Variants in TARBP1 observed in about 807,000 individuals in gnomAD.
TARBP1 encodes tRNA guanosine 2 -O-methyltransferase TARBP1.
TARBP1 carries 144 observed loss-of-function variants against 178.6 expected under a neutral mutation model. That is an observed-to-expected ratio of 0.81 (90% confidence interval 0.70 to 0.93). The LOEUF (loss-of-function observed/expected upper bound fraction) is 0.93. TARBP1 is among the 40% of genes least tolerant of loss of function. TARBP1 has a pLI of 0.00. For missense variants in TARBP1, 2,067 were observed against 2,011.7 expected (o/e 1.03, Z -0.53); for synonymous variants, 787 against 781.0 (o/e 1.01, Z -0.13).
intron 3 of TARBP1, among the ~76,000 whole-genome samples, chr1:234,469,666 A>G (rs1044154162): frequency 9.9e-5 from 15 of 152,272 alleles, no homozygotes; most frequent in African/African-American, 3.6e-4. Flanking sequence ...GTGTAAACAC[A>G]ATAATGTGGC....
chr1:234,398,506 T>C lies in TARBP1; in HGVS notation c.4119A>G (p.Glu1373=), dbSNP rs1320328735. 6.2e-7 allele frequency: 1 copy of C among 1,609,676 alleles called. No homozygotes were observed. The highest frequency in any genetic ancestry group is 8.5e-7 in the Non-Finnish European group (1 of 1,177,180). ...TGGTAAATTTATCAATGGTGATCCA[T>C]TCATCTTCAATAAGGCCTGAAAGGC... The part of the protein sequence containing the change: ...LPRLSGLIED[E]WITIDKFTRF... Residue 1373 remains glutamate (E), a synonymous_variant, in exon 26 of 30, where the codon GAA becomes GAG. Transcript: ENST00000040877.
At chr1:234,424,466 C>G (rs1037130958) in intron 20 of TARBP1, among the ~76,000 whole-genome samples, 7 of 152,208 alleles carry the variant, frequency 4.6e-5, no homozygotes. Context: ...ACATCACACA[C>G]CCAGATCTAG....
intron 6 of TARBP1, among the ~76,000 whole-genome samples, chr1:234,462,910 G>GT (rs1451285905): frequency 6.6e-6 from 1 of 152,064 alleles, no homozygotes; most frequent in Non-Finnish European, 1.5e-5. Context: ...AAAAAAATAC[G>GT]TATTTCATAC....
chr1:234,440,407 GTTC>G (rs1665466491), intron 12 of TARBP1, among the ~76,000 whole-genome samples: 1 of 151,624 alleles, frequency 6.6e-6, no homozygotes, highest in Admixed American at 6.6e-5. Context: ...CCAAAAGCTG[GTTC>G]TTTGAAAAGG....
At chr1:234,444,701 A>C (rs1665971057) in intron 12 of TARBP1, among the ~76,000 whole-genome samples, 1 of 152,062 alleles carries the variant, frequency 6.6e-6, no homozygotes, top group Admixed American at 6.6e-5. Flanking sequence ...CCTTAAAAAA[A>C]AAACAGAATA....
At position 234,429,273 on chromosome 1, in the gene TARBP1, T is replaced by A; in HGVS notation, c.2923A>T (p.Lys975Ter). The A allele has an allele frequency of 6.2e-7, 1 of 1,602,606 alleles. No homozygotes were observed. The highest frequency in any genetic ancestry group is 8.5e-7 in the Non-Finnish European group (1 of 1,177,298). Residue 975 changes from lysine to a stop codon, truncating the protein, a stop_gained, in exon 17 of 30, where the codon AAA becomes TAA. Transcript: ENST00000040877. LOFTEE classifies it high-confidence loss of function. ...LCIESFDMAW[K>*]IISSLSNTQL... ...GTGTTGCTTAAAGAAGATATAATTT[T>A]CCACGCCATGTCAAAAGACTCTATG...
Position 234,406,040 on chromosome 1 carries a change from A to G in TARBP1, c.3852T>C (p.Phe1284=). ...VVLQWCFNHN[F]SVRLYALVAL... ...CAACTAAAGCATACAGTCGAACACT[A>G]AAATTGTGATTGAAACACCACTGCA... The change falls in exon 24 of 30, where the codon TTT becomes TTC. Residue 1284 remains phenylalanine, a synonymous_variant. Transcript: ENST00000040877. The G allele has an allele frequency of 1.2e-6, 2 of 1,614,236 alleles. No homozygotes were observed. The highest frequency in any genetic ancestry group is 1.7e-6 in the Non-Finnish European group (2 of 1,180,044).
intron 13 of TARBP1, 42 bp from the exon 14 acceptor site, chr1:234,433,613 C>A (rs1664702137): frequency 5.8e-6 from 9 of 1,556,174 alleles, no homozygotes; most frequent in Non-Finnish European, 7.8e-6. Flanking sequence ...AAGCAAGGTC[C>A]ATGATTTTCA....
At chr1:234,430,003 TA>T (rs1664251819) in intron 15 of TARBP1, 83 bp downstream of exon 15, 1 of 1,343,896 alleles carries the variant, frequency 7.4e-7, no homozygotes, top group Admixed American at 2.2e-5. Context: ...CAAAATTCTA[TA>T]ACTTTATAAG....
At chr1:234,465,069 C>CGGATGAACGGAT (rs1668289763) in intron 5 of TARBP1, among the ~76,000 whole-genome samples, 1 of 150,654 alleles carries the variant, frequency 6.6e-6, no homozygotes, top group Non-Finnish European at 1.5e-5. Context: ...GATGGATGAA[C>CGGATGAACGGAT]GGATGGATGG....
intron 1 of TARBP1, among the ~76,000 whole-genome samples, chr1:234,475,186 G>C (rs1343495864): frequency 6.6e-6 from 1 of 152,148 alleles, no homozygotes; most frequent in Admixed American, 6.5e-5. Flanking sequence ...CAGGCACCCA[G>C]GGCAGCAGGA....
intron 1 of TARBP1, among the ~76,000 whole-genome samples, chr1:234,476,422 T>A (rs1669574155): frequency 6.6e-6 from 1 of 152,206 alleles, no homozygotes; most frequent in Non-Finnish European, 1.5e-5. Flanking sequence ...GGGGTAAGCG[T>A]GAGGTCTGTG....
chr1:234,422,724 ATAAC>A (rs1277136330), intron 20 of TARBP1, among the ~76,000 whole-genome samples: 1 of 152,236 alleles, frequency 6.6e-6, no homozygotes, highest in Non-Finnish European at 1.5e-5. Flanking sequence ...ACATTTTAAA[ATAAC>A]TAACAGTATA....
chr1:234,417,613 G>C (rs1662570184), intron 22 of TARBP1, among the ~76,000 whole-genome samples: 1 of 152,218 alleles, frequency 6.6e-6, no homozygotes, highest in Non-Finnish European at 1.5e-5. Flanking sequence ...TATGAGAAAA[G>C]TTGGAAAGCG....
chr1:234,465,810 G>T, intron 4 of TARBP1, 102 bp from the exon 5 acceptor site: 2 of 1,076,450 alleles, frequency 1.9e-6, no homozygotes, highest in Non-Finnish European at 2.6e-6. Flanking sequence ...GCTTACAGAA[G>T]ACCTGCTATA....
intron 28 of TARBP1, 155 bp from the exon 29 acceptor site, chr1:234,392,707 CA>C (rs1659508428): frequency 1.9e-6 from 1 of 514,714 alleles, no homozygotes; most frequent in South Asian, 3.1e-5. Context: ...AACATGACAT[CA>C]ATTTCTTTTT....
At chr1:234,429,728 C>T (rs373199443) in intron 15 of TARBP1, 51 bp from the exon 16 acceptor site, 49 of 1,520,838 alleles carry the variant, frequency 3.2e-5, no homozygotes, top group Admixed American at 1.2e-4. Context: ...TTTGCCTCCA[C>T]GTCTTTTGCA....
chr1:234,448,605 CA>C (rs768560712), intron 10 of TARBP1, 26 bp from the exon 11 acceptor site: 3 of 1,581,106 alleles, frequency 1.9e-6, no homozygotes, highest in Non-Finnish European at 2.6e-6. Context: ...TTAAGGTTTG[CA>C]AAGCATTAAC....
At chr1:234,443,557 T>C (rs1665820177) in intron 12 of TARBP1, among the ~76,000 whole-genome samples, 1 of 152,120 alleles carries the variant, frequency 6.6e-6, no homozygotes, top group South Asian at 2.1e-4. Flanking sequence ...TGTGGAAAAG[T>C]GTATGGCAGT....
Sources: allele counts gnomAD v4.1 joint callset (sites outside exome capture counted in the v4.1 genomes callset), GRCh38; gene constraint gnomAD v4.1.1; transcripts MANE v1.5; gene names NCBI Gene and HGNC (gene_info 2026-07-23, HGNC 2026-07-21).